FOXN3: variants seen among roughly 807,000 people sequenced by gnomAD.
The protein encoded by FOXN3 is forkhead box protein N3.
A neutral mutation model predicts 38.4 loss-of-function variants in FOXN3; 7 were observed. That is an observed-to-expected ratio of 0.18 (90% CI 0.10 to 0.34). The LOEUF is 0.34. Among genes scored for constraint, FOXN3 ranks in the 10% least tolerant of loss-of-function variants. FOXN3 has a pLI of 1.00. For synonymous variants in FOXN3, 230 were observed against 242.2 expected (o/e 0.95, Z 0.47); for missense variants, 456 against 613.4 (o/e 0.74, Z 2.71).
At chr14:89,603,756 C>T (rs968882042) in intron 1 of FOXN3, among the ~76,000 whole-genome samples, 1 of 151,960 alleles carries the variant, frequency 6.6e-6, no homozygotes, top group Non-Finnish European at 1.5e-5. Context: ...GAACAGAGGG[C>T]TTATATTAGT....
chr14:89,444,277 T>A lies in FOXN3; in HGVS notation c.-14-31787A>T, dbSNP rs1024906883. Among the ~76,000 whole-genome samples, 2 of 151,900 alleles carry A rather than the reference T, an allele frequency of 1.3e-5. 1 individual carries two copies. The highest frequency in any genetic ancestry group is 2.9e-5 in the Non-Finnish European group (2 of 67,982). On this transcript the variant is annotated intron_variant, in intron 1 of 6. Coordinates refer to the FOXN3 transcript ENST00000345097. The stretch of plus-strand genomic sequence containing the variant: ...TAGCTGTCATACTGGAACATTCTTT[T>A]GATGGGCGGGGGCGGTGGGGAAGAA...
chr14:89,364,105 C>T (rs1287981870), intron 2 of FOXN3, among the ~76,000 whole-genome samples: 2 of 149,242 alleles, frequency 1.3e-5, no homozygotes, highest in African/African-American at 2.5e-5. Context: ...AATGTTTACA[C>T]TTCAAAAATT....
chr14:89,166,284 G>A (rs561626068), intron 5 of FOXN3, among the ~76,000 whole-genome samples: 2 of 152,238 alleles, frequency 1.3e-5, no homozygotes, highest in Admixed American at 6.5e-5. Context: ...TAAAGAGGGG[G>A]ATCCAAATGG....
At chr14:89,607,652 C>G (rs1248559689) in intron 1 of FOXN3, among the ~76,000 whole-genome samples, 1 of 151,808 alleles carries the variant, frequency 6.6e-6, no homozygotes, top group South Asian at 2.1e-4. Flanking sequence ...TCTGATAAAG[C>G]CAAGAGGATG....
intron 1 of FOXN3, among the ~76,000 whole-genome samples, chr14:89,438,637 A>G (rs1012951237): frequency 2.6e-5 from 4 of 152,354 alleles, no homozygotes; most frequent in African/African-American, 9.6e-5. Flanking sequence ...ATAACAAGTA[A>G]TCATATTTTA....
At chr14:89,318,160 C>CT (rs200125351) in intron 3 of FOXN3, among the ~76,000 whole-genome samples, 1,283 of 65,120 alleles carry the variant, frequency 0.02, 10 homozygotes, top group Middle Eastern at 0.038. Flanking sequence ...TCTTCTTCTT[C>CT]TCTTTTTTTT....
intron 3 of FOXN3, among the ~76,000 whole-genome samples, chr14:89,339,350 A>T (rs926961064): frequency 3.3e-5 from 5 of 152,168 alleles, no homozygotes; most frequent in African/African-American, 1.2e-4. Flanking sequence ...AACATGTCCA[A>T]GGTCACACAG....
intron 4 of FOXN3, among the ~76,000 whole-genome samples, chr14:89,229,861 G>A (rs1884755366): frequency 6.6e-6 from 1 of 152,198 alleles, no homozygotes; most frequent in South Asian, 2.1e-4. Flanking sequence ...CACAAGACCT[G>A]GGCCAGCCCT....
At chr14:89,456,121 G>C (rs1404535669) in intron 1 of FOXN3, among the ~76,000 whole-genome samples, 1 of 150,762 alleles carries the variant, frequency 6.6e-6, no homozygotes, top group Non-Finnish European at 1.5e-5. Context: ...TTGAACCTGG[G>C]AGGCGGAGGT....
At chr14:89,418,556 A>G (rs1164677494), upstream of FOXN3, among the ~76,000 whole-genome samples, 1 of 151,328 alleles carries the variant, frequency 6.6e-6, no homozygotes, top group Non-Finnish European at 1.5e-5. Context: ...TCTGGAGACA[A>G]TTAGGAGGTG....
intron 4 of FOXN3, among the ~76,000 whole-genome samples, chr14:89,191,114 T>C (rs934223622): frequency 1.3e-5 from 2 of 152,232 alleles, no homozygotes; most frequent in African/African-American, 4.8e-5. Flanking sequence ...ATTGCTATAA[T>C]TCTTAATAGG....
chr14:89,193,722 T>C (rs767148389), intron 4 of FOXN3, among the ~76,000 whole-genome samples: 5 of 152,248 alleles, frequency 3.3e-5, no homozygotes, highest in Admixed American at 6.5e-5. Flanking sequence ...TTTGAACCTG[T>C]GTTTTCATTT....
intron 3 of FOXN3, among the ~76,000 whole-genome samples, chr14:89,325,987 C>T (rs1393132276): frequency 6.6e-6 from 1 of 152,198 alleles, no homozygotes; most frequent in East Asian, 1.9e-4. Flanking sequence ...TTATTAGAGA[C>T]AGAGGCACAG....
At chr14:89,505,262 C>G (rs1183153887) in intron 1 of FOXN3, among the ~76,000 whole-genome samples, 1 of 151,428 alleles carries the variant, frequency 6.6e-6, no homozygotes. Flanking sequence ...CCCTCTCCCT[C>G]TCCCTCTCCT....
At chr14:89,435,781 A>C (rs1421814926) in intron 1 of FOXN3, among the ~76,000 whole-genome samples, 1 of 152,142 alleles carries the variant, frequency 6.6e-6, no homozygotes, top group African/African-American at 2.4e-5. Flanking sequence ...CTTTGAATCC[A>C]AATTAAACCT....
At chr14:89,253,203 T>C (rs1295858074) in intron 4 of FOXN3, among the ~76,000 whole-genome samples, 2 of 152,092 alleles carry the variant, frequency 1.3e-5, no homozygotes, top group Non-Finnish European at 2.9e-5. Flanking sequence ...GGACCAAAAA[T>C]GGAGGGAGCC....
chr14:89,282,300 A>G (rs1159832008), intron 3 of FOXN3, among the ~76,000 whole-genome samples: 1 of 152,170 alleles, frequency 6.6e-6, no homozygotes, highest in African/African-American at 2.4e-5. Context: ...TTTTGGATCC[A>G]CTATACTAAA....
At chr14:89,343,489 T>TAAA (rs5810455) in intron 3 of FOXN3, among the ~76,000 whole-genome samples, 9 of 145,754 alleles carry the variant, frequency 6.2e-5, no homozygotes, top group South Asian at 2.2e-4. Context: ...ACATTTAAAT[T>TAAA]AAAAAAAAAA....
intron 3 of FOXN3, among the ~76,000 whole-genome samples, chr14:89,316,928 G>C (rs1436777799): frequency 2.0e-5 from 3 of 152,194 alleles, no homozygotes; most frequent in Non-Finnish European, 4.4e-5. Context: ...GCCTCCCAAA[G>C]TGCTGGGATT....
Sources: gnomAD v4.1 joint callset for allele counts (sites outside exome capture counted in the v4.1 genomes callset) on GRCh38, gnomAD v4.1.1 for gene constraint, MANE v1.5 for transcripts, NCBI Gene and HGNC (gene_info 2026-07-23, HGNC 2026-07-21) for gene names.